Variants in PPM1E observed in about 807,000 individuals in gnomAD.
The protein encoded by PPM1E is protein phosphatase, Mg2+/Mn2+ dependent 1E, also known as protein phosphatase 1E.
PPM1E carries 20 observed loss-of-function variants against 65.9 expected under a neutral mutation model. The observed-to-expected ratio is 0.30, with a 90% CI of 0.21 to 0.44. PPM1E has a LOEUF of 0.44. Among genes scored for constraint, PPM1E ranks in the 20% least tolerant of loss-of-function variants. The pLI is 1.00. For synonymous variants in PPM1E, 352 were observed against 374.9 expected (o/e 0.94, Z 0.70); for missense variants, 713 against 953.1 (o/e 0.75, Z 3.32).
Position 58,972,867 on chromosome 17 carries a change from C to T in PPM1E, c.1152C>T (p.Cys384=), listed in dbSNP as rs780450137. 5.0e-6 allele frequency: 8 copies of T among 1,612,886 alleles called. No homozygotes were observed. The highest frequency in any genetic ancestry group is 4.2e-6 in the Non-Finnish European group (5 of 1,179,156). ...AGAGAATTGAGGCCCTTGGAGGTTG[C>T]GTAGTCTGGTTTGGTGCCTGGAGGG... ...EKQRIEALGG[C]VVWFGAWRVN... is the part of the protein sequence containing the mutation. Residue 384 remains cysteine (C), a synonymous_variant, in exon 6 of 7, where the codon TGC becomes TGT. Coordinates refer to ENST00000308249, the MANE Select transcript of PPM1E (RefSeq NM_014906.5).
At chr17:58,837,089 A>G (rs1430416559) in intron 1 of PPM1E, among the ~76,000 whole-genome samples, 3 of 150,468 alleles carry the variant, frequency 2.0e-5, no homozygotes, top group Admixed American at 1.3e-4. Flanking sequence ...CAAAAAATTT[A>G]AGATCAACTG....
intron 1 of PPM1E, chr17:58,785,706 T>TTC (rs2050094198): frequency 6.6e-6 from 1 of 151,698 alleles, no homozygotes; most frequent in Non-Finnish European, 1.5e-5. Flanking sequence ...GGGGATGCGT[T>TTC]CCAAGACCCC....
In PPM1E at chr17:58,856,563, G is replaced by A. The variant is rs73331072; in HGVS notation, c.465-99086G>A. ...GTCTCCACCAAATTCATATGTTGAGGTTTTAACCCCCAGCACCTCAGAATG... is the reference window on the plus strand; with the variant it reads ...GTCTCCACCAAATTCATATGTTGAGATTTTAACCCCCAGCACCTCAGAATG... On this transcript the variant is annotated intron_variant, in intron 1 of 6. Transcript: ENST00000308249. Among the ~76,000 whole-genome samples the A allele has an allele frequency of 8.7e-3, 1,324 of 152,246 alleles. 24 individuals are homozygous for A. The highest frequency in any genetic ancestry group is 0.029 in the African/African-American group (1,220 of 41,528).
chr17:58,765,877 CTTTTTTTTT>C (rs35401844), intron 1 of PPM1E, among the ~76,000 whole-genome samples: 22 of 122,884 alleles, frequency 1.8e-4, no homozygotes, highest in Admixed American at 2.5e-4. Context: ...TTTGTAGTTT[CTTTTTTTTT>C]TTTTTTTTTT....
intron 1 of PPM1E, among the ~76,000 whole-genome samples, chr17:58,894,360 T>C (rs1312023301): frequency 1.3e-5 from 2 of 152,156 alleles, no homozygotes; most frequent in East Asian, 1.9e-4. Context: ...ATTATTACCA[T>C]TTTATCAAGA....
intron 1 of PPM1E, among the ~76,000 whole-genome samples, chr17:58,928,830 G>A (rs1370692770): frequency 6.6e-6 from 1 of 151,662 alleles, no homozygotes; most frequent in Non-Finnish European, 1.5e-5. Context: ...AGCCTCCTGA[G>A]TAGCTGGGAT....
intron 1 of PPM1E, among the ~76,000 whole-genome samples, chr17:58,803,770 T>C (rs1403531740): frequency 6.6e-6 from 1 of 152,212 alleles, no homozygotes. Context: ...GATTCCTAGA[T>C]CAGTGTGTTC....
At chr17:58,940,902 G>T (rs932834473) in intron 1 of PPM1E, among the ~76,000 whole-genome samples, 3 of 152,056 alleles carry the variant, frequency 2.0e-5, no homozygotes, top group Admixed American at 2.0e-4. Flanking sequence ...GTAGAGACAG[G>T]GTTTTGCCAC....
At chr17:58,869,604 GCTT>G (rs2051047135) in intron 1 of PPM1E, among the ~76,000 whole-genome samples, 1 of 152,150 alleles carries the variant, frequency 6.6e-6, no homozygotes, top group African/African-American at 2.4e-5. Context: ...CTGGCACCAT[GCTT>G]CTTCTTGTAC....
chr17:58,880,896 A>G (rs935411272), intron 1 of PPM1E, among the ~76,000 whole-genome samples: 1 of 152,140 alleles, frequency 6.6e-6, no homozygotes, highest in Non-Finnish European at 1.5e-5. Flanking sequence ...ATGGTTCACA[A>G]CTTGTGATAC....
At chr17:58,824,844 G>A (rs1472817310) in intron 1 of PPM1E, among the ~76,000 whole-genome samples, 1 of 150,460 alleles carries the variant, frequency 6.6e-6, no homozygotes, top group Non-Finnish European at 1.5e-5. Context: ...TCCTGACCTC[G>A]TGATCCGCCC....
intron 1 of PPM1E, among the ~76,000 whole-genome samples, chr17:58,758,523 G>A (rs1350256751): frequency 3.5e-5 from 5 of 143,922 alleles, no homozygotes; most frequent in African/African-American, 7.8e-5. Flanking sequence ...GCAAGACTCC[G>A]TCTCAAAAAA....
At chr17:58,885,908 C>T (rs1341096256) in intron 1 of PPM1E, among the ~76,000 whole-genome samples, 2 of 152,208 alleles carry the variant, frequency 1.3e-5, no homozygotes, top group African/African-American at 4.8e-5. Context: ...TGTTCACATA[C>T]ACAGACTTTT....
chr17:58,923,175 C>A (rs2051775561), intron 1 of PPM1E, among the ~76,000 whole-genome samples: 1 of 148,596 alleles, frequency 6.7e-6, no homozygotes, highest in African/African-American at 2.5e-5. Flanking sequence ...GGCCCAGCTA[C>A]TCATGAGGCT....
chr17:58,893,811 C>T (rs923797991), intron 1 of PPM1E, among the ~76,000 whole-genome samples: 3 of 152,080 alleles, frequency 2.0e-5, no homozygotes, highest in African/African-American at 7.2e-5. Flanking sequence ...ATGGCTCATG[C>T]CTATAATCCC....
chr17:58,948,805 A>G (rs1411892934), intron 1 of PPM1E, among the ~76,000 whole-genome samples: 1 of 151,980 alleles, frequency 6.6e-6, no homozygotes, highest in Non-Finnish European at 1.5e-5. Context: ...TGTAATTTCC[A>G]TGTATTTGTG....
intron 1 of PPM1E, among the ~76,000 whole-genome samples, chr17:58,781,719 C>T (rs1487730125): frequency 6.6e-6 from 1 of 151,290 alleles, no homozygotes; most frequent in Non-Finnish European, 1.5e-5. Context: ...AAACCCCGTC[C>T]CTACTGAAAA....
In PPM1E at chr17:58,793,364, T is replaced by TA. The variant is rs199594374; in HGVS notation, c.464+36903_464+36904insA. 2.3e-3 allele frequency among the ~76,000 whole-genome samples: 351 copies of TA among 150,756 alleles called. 2 individuals are homozygous for TA. The highest frequency in any genetic ancestry group is 5.0e-3 in the Admixed American group (76 of 15,088). ...GTAAAATATTTATTATTATTATTATTTTTTTTTTTGAGATGGAGTCTTGCT... is the reference window on the plus strand; with the variant it reads ...GTAAAATATTTATTATTATTATTATTATTTTTTTTTGAGATGGAGTCTTGCT... On this transcript the variant is annotated intron_variant, in intron 1 of 6. Coordinates refer to ENST00000308249, the MANE Select transcript of PPM1E (RefSeq NM_014906.5).
intron 1 of PPM1E, among the ~76,000 whole-genome samples, chr17:58,911,255 CTTG>C (rs1458704725): frequency 1.3e-5 from 2 of 152,134 alleles, no homozygotes; most frequent in East Asian, 1.9e-4. Context: ...TAGCTTTTTA[CTTG>C]TTGTTAGGTT....
Sources: gnomAD v4.1 joint callset for allele counts (sites outside exome capture counted in the v4.1 genomes callset) on GRCh38, gnomAD v4.1.1 for gene constraint, MANE v1.5 for transcripts, NCBI Gene and HGNC (gene_info 2026-07-23, HGNC 2026-07-21) for gene names.